The following CSMD1 variants were observed in gnomAD, a reference collection of about 807,000 sequenced individuals.
The protein encoded by CSMD1 is CUB and Sushi multiple domains 1.
CSMD1 carries 213 observed loss-of-function variants against 417.5 expected under a neutral mutation model. That is an observed-to-expected ratio of 0.51 (90% confidence interval 0.46 to 0.57). CSMD1 has a LOEUF of 0.57. Ranked by LOEUF, CSMD1 falls within the 20% of genes least tolerant of loss-of-function variation. The pLI, the probability that CSMD1 is intolerant of heterozygous loss-of-function variation, is 0.00. For synonymous variants in CSMD1, 2,862 were observed against 1,736.8 expected, an observed-to-expected ratio of 1.65 and a Z score of -16.11; for missense variants, 6,923 against 4,529.7, an observed-to-expected ratio of 1.53 and a Z score of -15.17.
intron 5 of CSMD1, among the ~76,000 whole-genome samples, chr8:3,984,894 G>T (rs905481072): frequency 6.6e-6 from 1 of 151,606 alleles, no homozygotes; most frequent in Non-Finnish European, 1.5e-5. Context: ...TCCATAAAAC[G>T]AATACTTTAT....
intron 3 of CSMD1, among the ~76,000 whole-genome samples, chr8:4,235,590 T>C (rs890383907): frequency 1.3e-5 from 2 of 152,178 alleles, no homozygotes; most frequent in African/African-American, 2.4e-5. Flanking sequence ...CATCTAGTCT[T>C]TTCTCTCAGG....
chr8:4,906,121 A>T (rs13262838), intron 1 of CSMD1, among the ~76,000 whole-genome samples: 1 of 152,058 alleles, frequency 6.6e-6, no homozygotes, highest in East Asian at 1.9e-4. Context: ...GATATATGGT[A>T]GGTTTCTAGA....
chr8:3,798,316 C>G (rs1800272265), intron 5 of CSMD1, among the ~76,000 whole-genome samples: 1 of 151,944 alleles, frequency 6.6e-6, no homozygotes, highest in Admixed American at 6.6e-5. Flanking sequence ...CTTCGTCTAT[C>G]TTAAGACAAC....
At chr8:4,348,851 A>C (rs982463561) in intron 3 of CSMD1, among the ~76,000 whole-genome samples, 1 of 152,148 alleles carries the variant, frequency 6.6e-6, no homozygotes, top group African/African-American at 2.4e-5. Context: ...AGGTACGAAC[A>C]TGCTCTTAGT....
intron 23 of CSMD1, among the ~76,000 whole-genome samples, chr8:3,328,060 G>A (rs1157760323): frequency 6.6e-6 from 1 of 152,160 alleles, no homozygotes; most frequent in African/African-American, 2.4e-5. Flanking sequence ...AGCAGGTAAA[G>A]CCATCCGCTT....
intron 52 of CSMD1, among the ~76,000 whole-genome samples, chr8:3,014,328 G>A (rs1808658086): frequency 6.6e-6 from 1 of 152,166 alleles, no homozygotes; most frequent in African/African-American, 2.4e-5. Flanking sequence ...CATTTCCAAA[G>A]TTACTTATGA....
intron 26 of CSMD1, among the ~76,000 whole-genome samples, chr8:3,277,745 GGAGAA>G (rs1802414040): frequency 6.6e-6 from 1 of 152,182 alleles, no homozygotes; most frequent in Non-Finnish European, 1.5e-5. Context: ...GACACTCAGG[GGAGAA>G]GCCTGGGAGG....
intron 23 of CSMD1, among the ~76,000 whole-genome samples, chr8:3,315,380 G>C (rs1028747265): frequency 2.0e-5 from 3 of 151,534 alleles, no homozygotes; most frequent in Non-Finnish European, 4.4e-5. Flanking sequence ...ATGTGTGATT[G>C]TTCCATGTTT....
At chr8:4,784,913 G>A (rs1217310688) in intron 1 of CSMD1, among the ~76,000 whole-genome samples, 2 of 152,164 alleles carry the variant, frequency 1.3e-5, no homozygotes, top group African/African-American at 4.8e-5. Flanking sequence ...TGACAGCATT[G>A]AAAGTTTATG....
chr8:4,328,296 C>T (rs1585241398), intron 3 of CSMD1, among the ~76,000 whole-genome samples: 2 of 143,718 alleles, frequency 1.4e-5, no homozygotes, highest in East Asian at 4.2e-4. Flanking sequence ...CTGTGAATTA[C>T]CACTTCCCCA....
chr8:4,163,022 G>C (rs986984300), intron 3 of CSMD1, among the ~76,000 whole-genome samples: 1 of 152,132 alleles, frequency 6.6e-6, no homozygotes, highest in Non-Finnish European at 1.5e-5. Flanking sequence ...CTTTCACTTA[G>C]TAACGTGCAC....
At chr8:3,536,528 G>C (rs1348216708) in intron 10 of CSMD1, among the ~76,000 whole-genome samples, 1 of 152,176 alleles carries the variant, frequency 6.6e-6, no homozygotes, top group African/African-American at 2.4e-5. Flanking sequence ...TCGAGGATTG[G>C]CCTCCATGAG....
chr8:3,782,301 C>G (rs1276177058), intron 5 of CSMD1, among the ~76,000 whole-genome samples: 1 of 152,090 alleles, frequency 6.6e-6, no homozygotes, highest in Non-Finnish European at 1.5e-5. Context: ...TATTTCCATG[C>G]TAACCATACT....
At chr8:4,832,306 G>A (rs1280050133) in intron 1 of CSMD1, among the ~76,000 whole-genome samples, 1 of 152,148 alleles carries the variant, frequency 6.6e-6, no homozygotes, top group Non-Finnish European at 1.5e-5. Context: ...TAGCGCACAT[G>A]AGGAGATGGA....
chr8:4,692,378 G>T (rs1004444735), intron 1 of CSMD1, among the ~76,000 whole-genome samples: 2 of 152,122 alleles, frequency 1.3e-5, no homozygotes, highest in South Asian at 4.1e-4. Context: ...AAAAACTGAG[G>T]TTCTGCTTCC....
At chr8:3,815,056 G>T (rs186539609) in intron 5 of CSMD1, among the ~76,000 whole-genome samples, 1 of 152,256 alleles carries the variant, frequency 6.6e-6, no homozygotes, top group Admixed American at 6.5e-5. Flanking sequence ...GAAGATGTTT[G>T]GGAAAAAGAT....
intron 3 of CSMD1, among the ~76,000 whole-genome samples, chr8:4,307,005 C>T (rs567278563): frequency 1.4e-3 from 216 of 152,252 alleles, no homozygotes; most frequent in Non-Finnish European, 2.2e-3. Flanking sequence ...CGCCCTGGTT[C>T]AGCCCCTCTT....
At chr8:3,366,958 CCACACA>C (rs541633926) in intron 20 of CSMD1, 68 bp downstream of exon 20, 1 of 1,114,282 alleles carries the variant, frequency 9.0e-7, no homozygotes, top group East Asian at 2.5e-5. Context: ...ACACACACAC[CCACACA>C]CATTCTCACT....
chr8:3,429,816 T>G (rs1463396532), intron 12 of CSMD1, among the ~76,000 whole-genome samples: 1 of 152,184 alleles, frequency 6.6e-6, no homozygotes, highest in Non-Finnish European at 1.5e-5. Flanking sequence ...AAATTACAGA[T>G]AGTCCCACCT....
Sources: allele counts gnomAD v4.1 joint callset (sites outside exome capture counted in the v4.1 genomes callset), GRCh38; gene constraint gnomAD v4.1.1; transcripts MANE v1.5; gene names NCBI Gene and HGNC (gene_info 2026-07-23, HGNC 2026-07-21).